The following ACTN1 variants were observed in gnomAD, a reference collection of about 807,000 sequenced individuals.
ACTN1 encodes actinin alpha 1.
Under a neutral mutation model 119.6 loss-of-function variants are expected in ACTN1, and 30 were observed. That is an observed-to-expected ratio of 0.25 (90% confidence interval 0.19 to 0.34). The LOEUF (loss-of-function observed/expected upper bound fraction) is 0.34. Among genes scored for constraint, ACTN1 ranks in the 10% least tolerant of loss-of-function variants. The pLI is 1.00. For synonymous variants in ACTN1, 429 were observed against 472.6 expected (o/e 0.91, Z 1.20); for missense variants, 764 against 1,223.4 (o/e 0.62, Z 5.60).
At position 68,879,444 on chromosome 14, in the gene ACTN1, T is replaced by C. The variant is rs2031284488; in HGVS notation, c.2281-375A>G. 6.6e-6 allele frequency among the ~76,000 whole-genome samples: 1 copy of C among 152,038 alleles called. No homozygotes were observed. Among genetic ancestry groups the C allele is most frequent in the Non-Finnish European group, 1.5e-5 (1 of 67,990 alleles). ...GGGTGGTGGGCAGCACCCAAGCCCA[T>C]GCTCCCACGCCTTGGGACCGCCCGC... On this transcript the variant is annotated intron_variant, in intron 18 of 21. Transcript: ENST00000394419. This position sits in a 1 kb window ranked among gnomAD's most constrained non-coding sequence, Gnocchi z 4.9.
intron 21 of ACTN1, among the ~76,000 whole-genome samples, chr14:68,876,880 C>T (rs2030957216): frequency 6.6e-6 from 1 of 152,156 alleles, no homozygotes; most frequent in South Asian, 2.1e-4. Flanking sequence ...CTGGAAGGGT[C>T]ACTTATACTA....
At chr14:68,924,697 G>A (rs1419384880) in intron 2 of ACTN1, among the ~76,000 whole-genome samples, 1 of 152,222 alleles carries the variant, frequency 6.6e-6, no homozygotes, top group African/African-American at 2.4e-5. Context: ...GATCATCTAG[G>A]TGAGAGTTGA....
intron 1 of ACTN1, among the ~76,000 whole-genome samples, chr14:68,934,572 A>T (rs1346252455): frequency 6.6e-6 from 1 of 152,256 alleles, no homozygotes; most frequent in Admixed American, 6.5e-5. Context: ...TAAGATGGGC[A>T]CCAGCCCTTA....
At position 68,904,720 on chromosome 14, in the gene ACTN1, T is replaced by C; in HGVS notation, c.611A>G (p.Asn204Ser). The C allele has an allele frequency of 6.2e-7, 1 of 1,613,972 alleles. No individual in the cohort carries two copies. Among genetic ancestry groups the C allele is most frequent in the Non-Finnish European group, 8.5e-7 (1 of 1,179,842 alleles). ...GKLRKDDPLTNLNTAFDVAEK... is the reference protein window; with the variant it reads ...GKLRKDDPLTSLNTAFDVAEK... ...TGCCACGTCAAAAGCCGTATTCAGA[T>C]TTGTGAGTGGATCATCCTAGAGGGA... The change falls in exon 7 of 22, where the codon AAT becomes AGT. Residue 204 changes from asparagine to serine, a missense_variant. Asn to Ser is a conservative substitution (Grantham distance 46, BLOSUM62 1). This residue lies in a region of ACTN1 where 544 missense variants were observed against 912.0 expected (regional missense o/e 0.60). Transcript: ENST00000394419.
At chr14:68,922,020 G>A (rs2034676908) in intron 2 of ACTN1, among the ~76,000 whole-genome samples, 1 of 152,210 alleles carries the variant, frequency 6.6e-6, no homozygotes, top group African/African-American at 2.4e-5. Flanking sequence ...CTCCTGAAAT[G>A]ATCTGAGAAT....
At chr14:68,957,374 G>A (rs141001583) in intron 1 of ACTN1, among the ~76,000 whole-genome samples, 152 of 152,320 alleles carry the variant, frequency 1.0e-3, no homozygotes, top group African/African-American at 3.6e-3. Flanking sequence ...AACTGCTAGA[G>A]TGGCAGGAGA....
chr14:68,902,345 G>A, intron 8 of ACTN1, 132 bp downstream of exon 8: 1 of 752,760 alleles, frequency 1.3e-6, no homozygotes, highest in Non-Finnish European at 2.3e-6. Flanking sequence ...CAGAACTAGG[G>A]ACTGCCTCTG....
chr14:68,877,502 A>G, intron 20 of ACTN1: 1 of 464,914 alleles, frequency 2.2e-6, no homozygotes, highest in Non-Finnish European at 3.8e-6. Flanking sequence ...TATAATGACA[A>G]CAATGATTAA....
In ACTN1 at chr14:68,885,644, C is replaced by T; in HGVS notation, c.1235-69G>A. ...ATCTCCTTGGTCCCAACCGCCCACC[C>T]CTCAGGGCCCCAGGAGCTCCACTTC... On this transcript the variant is annotated intron_variant, in intron 11 of 21. Transcript: ENST00000394419. The surrounding 1 kb of genome is among the most constrained non-coding windows in gnomAD (Gnocchi z 5.6). 1.3e-6 allele frequency: 2 copies of T among 1,544,914 alleles called. No homozygotes were observed.
intron 12 of ACTN1, 75 bp from the exon 13 acceptor site, chr14:68,884,958 T>G: frequency 7.8e-7 from 1 of 1,283,898 alleles, no homozygotes. Flanking sequence ...TCTGAGGCTG[T>G]CAGTGGGGTG....
Position 68,879,463 on chromosome 14 carries a change from C to A in ACTN1, c.2281-394G>T, listed in dbSNP as rs1002854303. On this transcript the variant is annotated intron_variant, in intron 18 of 21. Coordinates refer to ENST00000394419, the MANE Select transcript of ACTN1 (RefSeq NM_001130004.2). This position sits in a 1 kb window ranked among gnomAD's most constrained non-coding sequence, Gnocchi z 4.9. ...AGCCCATGCTCCCACGCCTTGGGAC[C>A]GCCCGCAAGCCCCAGGGCACTGGGA... 1.3e-5 allele frequency among the ~76,000 whole-genome samples: 2 copies of A among 152,160 alleles called. No individual in the cohort carries two copies. The highest frequency in any genetic ancestry group is 2.4e-5 in the African/African-American group (1 of 41,426).
Position 68,925,749 on chromosome 14 carries a change from C to A in ACTN1, c.106-77G>T, listed in dbSNP as rs911175728. On this transcript the variant is annotated intron_variant, in intron 1 of 21. Coordinates refer to ENST00000394419, the MANE Select transcript of ACTN1 (RefSeq NM_001130004.2). The surrounding 1 kb of genome is among the most constrained non-coding windows in gnomAD (Gnocchi z 4.3). ...CATTGGACAAGCCATTTAATGGTGC[C>A]AGGGGGTGGGAGGTGGACACCTACT... The A allele has an allele frequency of 2.5e-6, 3 of 1,220,126 alleles. No individual in the cohort carries two copies. Among genetic ancestry groups the A allele is most frequent in the South Asian group, 1.4e-5 (1 of 74,030 alleles). 75.6% of individuals were successfully genotyped at this position (1,220,126 alleles called of 1,614,324 possible).
chr14:68,874,993 G>A lies in ACTN1; in HGVS notation c.2611C>T (p.Arg871Cys), dbSNP rs547204209. The A allele has an allele frequency of 3.7e-6, 6 of 1,613,540 alleles. No homozygotes were observed. The highest frequency in any genetic ancestry group is 1.6e-4 in the Middle Eastern group (1 of 6,062). ...DKNYITMDEL[R>C]RELPPDQAEY... is the part of the protein sequence containing the mutation. ...GCCTGGTCGGGTGGCAGCTCGCGGC[G>A]CAGCTCGTCCATGGTAATGTAGTTC... The change falls in exon 22 of 22, where the codon CGC becomes TGC. Residue 871 changes from arginine (R) to cysteine (C), a missense_variant. Coordinates refer to ENST00000394419, the MANE Select transcript of ACTN1 (RefSeq NM_001130004.2).
chr14:68,884,503 T>C (rs758753860), intron 13 of ACTN1, among the ~76,000 whole-genome samples, 195 bp from the exon 14 acceptor site: 1 of 152,142 alleles, frequency 6.6e-6, no homozygotes, highest in Admixed American at 6.5e-5. Context: ...GTCTGGTGTG[T>C]AGAATAGGAG....
chr14:68,882,614 G>A lies in ACTN1; in HGVS notation c.1819-22C>T, dbSNP rs759131773. 2.7e-5 allele frequency: 43 copies of A among 1,613,342 alleles called. No homozygotes were observed. Among genetic ancestry groups the A allele is most frequent in the Admixed American group, 1.5e-4 (9 of 59,992 alleles). Reference sequence around the variant, plus strand: ...GCACCTGGGGCAGGAACAACAAGGCGACTTTCAGGATGGGTCAGCCATCTG... The same window carrying A: ...GCACCTGGGGCAGGAACAACAAGGCAACTTTCAGGATGGGTCAGCCATCTG... On this transcript the variant is annotated intron_variant, in intron 15 of 21. Transcript: ENST00000394419. This position sits in a 1 kb window ranked among gnomAD's most constrained non-coding sequence, Gnocchi z 4.5.
chr14:68,909,205 G>T lies in ACTN1; in HGVS notation c.594+113C>A. The T allele has an allele frequency of 9.3e-7, 1 of 1,069,688 alleles. No individual in the cohort carries two copies. Among genetic ancestry groups the T allele is most frequent in the Non-Finnish European group, 1.4e-6 (1 of 710,784 alleles). 66.3% of individuals were successfully genotyped at this position (1,069,688 alleles called of 1,614,324 possible). A position where few individuals can be genotyped will look rare whatever the true frequency, so the allele number is the denominator to read the frequency against. On this transcript the variant is annotated intron_variant, in intron 6 of 21. Coordinates refer to ENST00000394419, the MANE Select transcript of ACTN1 (RefSeq NM_001130004.2). The surrounding 1 kb of genome is among the most constrained non-coding windows in gnomAD (Gnocchi z 4.1). ...GGGCTCTGTCTGGCTATTCTAAGAGGCCAACACTGCTCAGGCTGGACCATG... is the reference window on the plus strand; with the variant it reads ...GGGCTCTGTCTGGCTATTCTAAGAGTCCAACACTGCTCAGGCTGGACCATG...
intron 1 of ACTN1, among the ~76,000 whole-genome samples, chr14:68,961,889 A>G (rs1232816604): frequency 6.6e-6 from 1 of 152,108 alleles, no homozygotes; most frequent in East Asian, 1.9e-4. Context: ...CCACCTCCAG[A>G]AACTACCCCC....
intron 1 of ACTN1, among the ~76,000 whole-genome samples, chr14:68,966,204 G>A (rs560419011): frequency 3.3e-5 from 5 of 152,236 alleles, no homozygotes; most frequent in Non-Finnish European, 7.4e-5. Context: ...GTGACAGAGC[G>A]AGACCCTGTC....
rs1238866237 is a variant in ACTN1, at chr14:68,878,048, G to A, written c.2427+410C>T. Reference sequence around the variant, plus strand: ...GGGGGACGGCCTGGGACAATCCAGAGGGGCGGCAGGCCCAACCAGAGTCAC... The same window carrying A: ...GGGGGACGGCCTGGGACAATCCAGAAGGGCGGCAGGCCCAACCAGAGTCAC... On this transcript the variant is annotated intron_variant, in intron 20 of 21. Coordinates refer to ENST00000394419, the MANE Select transcript of ACTN1 (RefSeq NM_001130004.2). This position sits in a 1 kb window ranked among gnomAD's most constrained non-coding sequence, Gnocchi z 4.4. 5.4e-6 allele frequency: 1 copy of A among 185,562 alleles called. No individual in the cohort carries two copies. The highest frequency in any genetic ancestry group is 1.1e-5 in the Non-Finnish European group (1 of 88,350). 11.5% of individuals were successfully genotyped at this position (185,562 alleles called of 1,614,324 possible).
Sources: gnomAD v4.1 joint callset for allele counts (sites outside exome capture counted in the v4.1 genomes callset) on GRCh38, gnomAD v4.1.1 for gene constraint, gnomAD v4.1.1 regional missense constraint, Gnocchi (gnomAD v3.1) non-coding constraint, MANE v1.5 for transcripts, NCBI Gene and HGNC (gene_info 2026-07-23, HGNC 2026-07-21) for gene names.